Variants in NIPA1 observed in about 807,000 individuals in gnomAD.
NIPA1 encodes magnesium transporter NIPA1.
In NIPA1, 13 loss-of-function variants were observed where a neutral mutation model predicts 23.9. The ratio of observed to expected loss-of-function variants is 0.54; its 90% CI spans 0.35 to 0.87. The LOEUF is 0.87. NIPA1 is among the 40% of genes least tolerant of loss of function. The probability of loss-of-function intolerance (pLI) is 0.01; values close to 1 mark genes in which losing one functional copy is unlikely to be tolerated. For synonymous variants in NIPA1, 234 were observed against 202.9 expected (o/e 1.15, Z -1.30); for missense variants, 362 against 429.7 (o/e 0.84, Z 1.39).
At chr15:22,814,166 C>G in intron 3 of NIPA1, 1 of 1,165,916 alleles carries the variant, frequency 8.6e-7, no homozygotes, top group Non-Finnish European at 1.1e-6. Flanking sequence ...AAGACCTTTT[C>G]TTTTAAACAG....
intron 3 of NIPA1, among the ~76,000 whole-genome samples, chr15:22,819,577 C>A (rs1299639346): frequency 6.6e-6 from 1 of 152,078 alleles, no homozygotes; most frequent in African/African-American, 2.4e-5. Flanking sequence ...GAGGAAATAG[C>A]CACCCCATAC....
At chr15:22,796,965 G>C (rs891272035) in intron 1 of NIPA1, among the ~76,000 whole-genome samples, 2 of 151,924 alleles carry the variant, frequency 1.3e-5, no homozygotes, top group East Asian at 3.9e-4. Context: ...AATCTGGAAA[G>C]TACAGAAAAT....
intron 3 of NIPA1, chr15:22,813,575 G>A: frequency 2.2e-6 from 1 of 450,014 alleles, no homozygotes; most frequent in East Asian, 7.0e-5. Flanking sequence ...TAGGGTAGAA[G>A]AGAAATAAAA....
intron 4 of NIPA1, among the ~76,000 whole-genome samples, 178 bp downstream of exon 4, chr15:22,820,651 T>C (rs1423747661): frequency 1.3e-5 from 2 of 152,222 alleles, no homozygotes; most frequent in East Asian, 1.9e-4. Context: ...GCTCGCAGGC[T>C]AGCCCTCTGC....
intron 1 of NIPA1, among the ~76,000 whole-genome samples, chr15:22,801,318 C>T (rs1895072949): frequency 6.6e-6 from 1 of 152,018 alleles, no homozygotes; most frequent in Admixed American, 6.6e-5. Flanking sequence ...GCAGAGCACG[C>T]TAGTACAGGT....
At position 22,820,501 on chromosome 15, in the gene NIPA1, G is replaced by A. The variant is rs557474018; in HGVS notation, c.478+28G>A. On this transcript the variant is annotated intron_variant, in intron 4 of 4. Transcript: ENST00000337435. The stretch of plus-strand genomic sequence containing the variant: ...AATTCCTTTCTAGCAGCACTGCCAA[G>A]AAAGTTTGCAGTAGGAGTGCCAACT... 1.2e-5 allele frequency: 20 copies of A among 1,604,308 alleles called. No homozygotes were observed. In the South Asian group the frequency reaches 2.0e-4, roughly 16 times the overall value.
At chr15:22,813,114 G>T (rs1198317723) in intron 3 of NIPA1, among the ~76,000 whole-genome samples, 1 of 151,950 alleles carries the variant, frequency 6.6e-6, no homozygotes. Context: ...GAGTGAGGGG[G>T]ACCTTTGGAT....
intron 1 of NIPA1, among the ~76,000 whole-genome samples, chr15:22,810,000 C>A (rs1357154441): frequency 3.9e-5 from 6 of 152,182 alleles, no homozygotes; most frequent in Non-Finnish European, 8.8e-5. Flanking sequence ...GAGCCGACAT[C>A]GCGCCATTGC....
Position 22,826,152 on chromosome 15 carries a change from AAGAGGCT to A in NIPA1, c.*1915_*1921del, listed in dbSNP as rs1216736937. 1.3e-5 allele frequency: 2 copies of A among 151,938 alleles called. No individual in the cohort carries two copies. The highest frequency in any genetic ancestry group is 1.3e-4 in the Admixed American group (2 of 15,278). 9.4% of individuals were successfully genotyped at this position (151,938 alleles called of 1,614,324 possible). ...GAATAGCTTCCTAAAGTGTTGAGTA[AAGAGGCT>A]AAATAAAATGAGACTAGTTTAATAT... On this transcript the variant is annotated 3_prime_UTR_variant, in exon 5 of 5. Transcript: ENST00000337435.
chr15:22,815,371 G>A (rs1246262556), intron 3 of NIPA1, among the ~76,000 whole-genome samples: 1 of 152,154 alleles, frequency 6.6e-6, no homozygotes, highest in Non-Finnish European at 1.5e-5. Context: ...TAGGCCAGGT[G>A]CAGTGTGATT....
intron 1 of NIPA1, among the ~76,000 whole-genome samples, chr15:22,804,582 T>A (rs1292045210): frequency 1.3e-5 from 2 of 152,138 alleles, no homozygotes; most frequent in Non-Finnish European, 2.9e-5. Context: ...CTTCACAGCT[T>A]TAGTGTTTAG....
chr15:22,808,998 A>G (rs1370076086), intron 1 of NIPA1, among the ~76,000 whole-genome samples: 1 of 152,024 alleles, frequency 6.6e-6, no homozygotes, highest in Admixed American at 6.6e-5. Context: ...TACTTTTTCT[A>G]ATACTTGTAG....
intron 1 of NIPA1, among the ~76,000 whole-genome samples, 162 bp downstream of exon 1, chr15:22,786,996 C>T (rs1461241321): frequency 6.6e-6 from 1 of 151,616 alleles, no homozygotes; most frequent in Non-Finnish European, 1.5e-5. Context: ...CGCGGCGTGC[C>T]CAGGCTGCCG....
At chr15:22,790,742 A>G in intron 1 of NIPA1, among the ~76,000 whole-genome samples, 2 of 152,178 alleles carry the variant, frequency 1.3e-5, no homozygotes, top group Middle Eastern at 6.8e-3. Flanking sequence ...TGCACCAGGC[A>G]TTGTGTAGGT....
chr15:22,814,580 CAG>C (rs59221821), intron 3 of NIPA1, among the ~76,000 whole-genome samples: 31,734 of 151,930 alleles, frequency 0.21, 3,892 homozygotes, highest in East Asian at 0.5. Flanking sequence ...TACATAGAAA[CAG>C]AAATGAAAAG....
intron 2 of NIPA1, 67 bp from the exon 3 acceptor site, chr15:22,812,096 C>A: frequency 8.4e-7 from 1 of 1,185,230 alleles, no homozygotes; most frequent in South Asian, 1.3e-5. Flanking sequence ...TAGCGTAATT[C>A]AACTGTGATC....
At chr15:22,812,652 TA>T (rs60183245) in intron 3 of NIPA1, among the ~76,000 whole-genome samples, 100 of 146,260 alleles carry the variant, frequency 6.8e-4, no homozygotes, top group Admixed American at 8.9e-4. Context: ...GACTCTGCCT[TA>T]AAAAAAAAAA....
At chr15:22,791,718 G>A (rs963669986) in intron 1 of NIPA1, among the ~76,000 whole-genome samples, 2 of 151,968 alleles carry the variant, frequency 1.3e-5, no homozygotes, top group Admixed American at 1.3e-4. Flanking sequence ...CACCCGCCTC[G>A]ACCTCCCAAA....
intron 1 of NIPA1, among the ~76,000 whole-genome samples, chr15:22,800,484 C>T (rs984367382): frequency 1.3e-5 from 2 of 152,016 alleles, no homozygotes; most frequent in African/African-American, 4.8e-5. Flanking sequence ...AGCTCTTTAT[C>T]ATGTAATTTA....
Sources: gnomAD v4.1 joint callset for allele counts (sites outside exome capture counted in the v4.1 genomes callset) on GRCh38, gnomAD v4.1.1 for gene constraint, MANE v1.5 for transcripts, NCBI Gene and HGNC (gene_info 2026-07-23, HGNC 2026-07-21) for gene names.